Variants in C2CD2 observed in about 807,000 individuals in gnomAD.
The protein encoded by C2CD2 is C2 domain-containing protein 2.
Under a neutral mutation model 74.3 loss-of-function variants are expected in C2CD2, and 43 were observed. The ratio of observed to expected loss-of-function variants is 0.58; its 90% CI spans 0.45 to 0.75. C2CD2 has a LOEUF of 0.75. C2CD2 is among the 30% of genes least tolerant of loss of function. The pLI is 0.00. For synonymous variants in C2CD2, 422 were observed against 390.7 expected, an observed-to-expected ratio of 1.08 and a Z score of -0.94; for missense variants, 801 against 916.3, an observed-to-expected ratio of 0.87 and a Z score of 1.63.
chr21:41,909,838 G>A (rs538496818), intron 7 of C2CD2, among the ~76,000 whole-genome samples: 4 of 152,186 alleles, frequency 2.6e-5, no homozygotes, highest in South Asian at 2.1e-4. Flanking sequence ...GGAACTGAAC[G>A]TCATTTTAAA....
intron 2 of C2CD2, among the ~76,000 whole-genome samples, chr21:41,933,638 A>AGG (rs2065281969): frequency 1.3e-5 from 2 of 152,262 alleles, no homozygotes; most frequent in Admixed American, 1.3e-4. Context: ...CAAGCACCCG[A>AGG]GGGTGTTCTA....
Position 41,907,520 on chromosome 21 carries a change from A to T in C2CD2, c.1143+140T>A, listed in dbSNP as rs1031606581. On this transcript the variant is annotated intron_variant, in intron 9 of 13. Transcript: ENST00000380486. ...GCTCTATTCGAGTCTGGTCCTGCGTACGATGAAACAGCATCTCCTCTTGGA... is the reference window on the plus strand; with the variant it reads ...GCTCTATTCGAGTCTGGTCCTGCGTTCGATGAAACAGCATCTCCTCTTGGA... 1.0e-5 allele frequency: 9 copies of T among 894,666 alleles called. No individual in the cohort carries two copies. The African/African-American group carries it at 1.5e-4, about 15-fold the overall frequency. The allele number at this position is 894,666 out of a possible 1,614,324, so 55.4% of individuals were successfully genotyped here. A position where few individuals can be genotyped will look rare whatever the true frequency, so the allele number is the denominator to read the frequency against.
At chr21:41,889,752 C>G (rs2064728216) in intron 13 of C2CD2, among the ~76,000 whole-genome samples, 1 of 152,068 alleles carries the variant, frequency 6.6e-6, no homozygotes, top group Non-Finnish European at 1.5e-5. Flanking sequence ...CCTGCCTCAG[C>G]CTCCCAAATA....
rs1295953319 is a variant in C2CD2, at chr21:41,950,591, C to T, written c.279+2779G>A. On this transcript the variant is annotated intron_variant, in intron 1 of 13. Coordinates refer to ENST00000380486, the MANE Select transcript of C2CD2 (RefSeq NM_015500.2). Reference sequence around the variant, plus strand: ...TAACAACTCTACTCTCTGAGCTCTTCTCGCTGGCTCTCATTTAAAGGAAAC... The same window carrying T: ...TAACAACTCTACTCTCTGAGCTCTTTTCGCTGGCTCTCATTTAAAGGAAAC... Among the ~76,000 whole-genome samples, 3 of 152,336 alleles carry T rather than the reference C, an allele frequency of 2.0e-5. No individual in the cohort carries two copies. The East Asian group carries it at 5.8e-4, about 29-fold the overall frequency.
Position 41,905,740 on chromosome 21 carries a change from G to A in C2CD2, c.1416C>T (p.Leu472=). 1 of 1,598,172 alleles carries A rather than the reference G, an allele frequency of 6.3e-7. No individual in the cohort carries two copies. The highest frequency in any genetic ancestry group is 8.6e-7 in the Non-Finnish European group (1 of 1,166,114). ...ACRSAPVSKT[L]SSSDTELLVL... is the part of the protein sequence containing the mutation. ...CTCAGTTACCTGTGTCTGAAGAAGAGAGTGTTTTGCTGACGGGGGCGCTGC... is the reference window on the plus strand; with the variant it reads ...CTCAGTTACCTGTGTCTGAAGAAGAAAGTGTTTTGCTGACGGGGGCGCTGC... Residue 472 remains leucine (L), a synonymous_variant, in exon 11 of 14, where the codon CTC becomes CTT. Coordinates refer to ENST00000380486, the MANE Select transcript of C2CD2 (RefSeq NM_015500.2).
chr21:41,906,812 CTG>C (rs1202906919), intron 10 of C2CD2, among the ~76,000 whole-genome samples, 178 bp downstream of exon 10: 1 of 152,208 alleles, frequency 6.6e-6, no homozygotes, highest in Non-Finnish European at 1.5e-5. Flanking sequence ...AGAAAGATAA[CTG>C]TCATCCGATA....
At chr21:41,949,749 C>T (rs1224547773) in intron 1 of C2CD2, among the ~76,000 whole-genome samples, 1 of 152,202 alleles carries the variant, frequency 6.6e-6, no homozygotes, top group African/African-American at 2.4e-5. Flanking sequence ...AAATGCCCAT[C>T]AATGATAGAC....
chr21:41,893,962 G>A (rs1048944794), intron 13 of C2CD2, among the ~76,000 whole-genome samples: 11 of 152,210 alleles, frequency 7.2e-5, no homozygotes, highest in African/African-American at 2.4e-4. Context: ...GCCTCCCAAA[G>A]TGCTGGGATT....
At chr21:41,950,638 C>T (rs1248099996) in intron 1 of C2CD2, among the ~76,000 whole-genome samples, 1 of 152,234 alleles carries the variant, frequency 6.6e-6, no homozygotes, top group Non-Finnish European at 1.5e-5. Flanking sequence ...CAAGTTGATA[C>T]TGCATCCCAC....
In C2CD2 at chr21:41,922,038, G is replaced by A. The variant is rs369203395; in HGVS notation, c.426C>T (p.Ser142=). The A allele has an allele frequency of 1.5e-5, 25 of 1,614,020 alleles. No individual in the cohort carries two copies. The highest frequency in any genetic ancestry group is 1.5e-4 in the African/African-American group (11 of 75,030). The change falls in exon 3 of 14, where the codon AGC becomes AGT. Residue 142 remains serine, a synonymous_variant. Transcript: ENST00000380486. ...VVGQAIQFLV[S]ETPALGAGCR... ...ATCCAGCACCCAAGGCAGGCGTCTCGCTGACCAAGAACTGAATAGCCTGGC... is the reference window on the plus strand; with the variant it reads ...ATCCAGCACCCAAGGCAGGCGTCTCACTGACCAAGAACTGAATAGCCTGGC...
At chr21:41,943,209 C>T (rs898102589) in intron 1 of C2CD2, among the ~76,000 whole-genome samples, 3 of 152,082 alleles carry the variant, frequency 2.0e-5, no homozygotes, top group African/African-American at 7.2e-5. Context: ...TGAGGCATGA[C>T]AATCACTTGC....
In C2CD2 at chr21:41,942,262, G is replaced by A; in HGVS notation, c.280-17C>T. On this transcript the variant is annotated splice_polypyrimidine_tract_variant and intron_variant, in intron 1 of 13. Coordinates refer to ENST00000380486, the MANE Select transcript of C2CD2 (RefSeq NM_015500.2). ...AGGTGGGCCCTGGAACAGAGGGGCA[G>A]CATGAGGAGGGCATGCACAGGAGGG... 1 of 1,537,112 alleles carries A rather than the reference G, an allele frequency of 6.5e-7. No homozygotes were observed. The highest frequency in any genetic ancestry group is 8.8e-7 in the Non-Finnish European group (1 of 1,135,178).
At chr21:41,931,703 G>C (rs1057293770) in intron 2 of C2CD2, among the ~76,000 whole-genome samples, 1 of 150,312 alleles carries the variant, frequency 6.7e-6, no homozygotes, top group Non-Finnish European at 1.5e-5. Context: ...TTACAAGCGT[G>C]AGCCACCATG....
chr21:41,912,310 C>T (rs1314891663), intron 7 of C2CD2, 22 bp downstream of exon 7: 4 of 1,475,190 alleles, frequency 2.7e-6, no homozygotes, highest in Non-Finnish European at 9.5e-7. Context: ...GACACACAGG[C>T]CCATAACCCG....
rs773546710 is a variant in C2CD2 at position 41,909,495 on chromosome 21, G to A, written c.982C>T (p.His328Tyr). 5 of 1,613,700 alleles carry A rather than the reference G, an allele frequency of 3.1e-6. No individual in the cohort carries two copies. Among genetic ancestry groups the A allele is most frequent in the Admixed American group, 3.3e-5 (2 of 60,024 alleles). ...FELNAKSKEL[H>Y]LQISEAGRSS... ...CGCCCAGCCTCTGAAATCTGCAGGTGTAACTCCTTCGACTTGGCATTCAAC... is the reference window on the plus strand; with the variant it reads ...CGCCCAGCCTCTGAAATCTGCAGGTATAACTCCTTCGACTTGGCATTCAAC... The change falls in exon 8 of 14, where the codon CAC (histidine) becomes TAC (tyrosine). Residue 328 changes from histidine (H) to tyrosine (Y), a missense_variant. By Grantham distance (83) the His-to-Tyr change is moderately conservative. Coordinates refer to ENST00000380486, the MANE Select transcript of C2CD2 (RefSeq NM_015500.2).
intron 1 of C2CD2, among the ~76,000 whole-genome samples, chr21:41,944,364 C>A (rs56335238): frequency 0.18 from 27,440 of 151,066 alleles, 2,734 homozygotes; most frequent in Admixed American, 0.26. Context: ...TACACACACA[C>A]AAAAAAAATT....
chr21:41,941,767 G>A (rs1236386234), intron 2 of C2CD2, among the ~76,000 whole-genome samples: 2 of 152,096 alleles, frequency 1.3e-5, no homozygotes, highest in Admixed American at 1.3e-4. Flanking sequence ...TTTCCCCCAA[G>A]AGTCCCTCAC....
chr21:41,914,530 G>T, intron 6 of C2CD2, 68 bp downstream of exon 6: 1 of 1,451,918 alleles, frequency 6.9e-7, no homozygotes, highest in East Asian at 2.4e-5. Context: ...AAGGCCCCCC[G>T]GAGCCCCCGA....
chr21:41,947,452 T>G (rs942685948), intron 1 of C2CD2, among the ~76,000 whole-genome samples: 42 of 152,134 alleles, frequency 2.8e-4, no homozygotes, highest in African/African-American at 1.0e-3. Context: ...CCACTGCGCC[T>G]GGCCTAATTT....
Sources: allele counts gnomAD v4.1 joint callset (sites outside exome capture counted in the v4.1 genomes callset), GRCh38; gene constraint gnomAD v4.1.1; transcripts MANE v1.5; gene names NCBI Gene and HGNC (gene_info 2026-07-23, HGNC 2026-07-21).